PYROXD1: variants seen among roughly 807,000 people sequenced by gnomAD.
PYROXD1 encodes tRNA ligase complex-associated NAD(P)H dehydrogenase PYROXD1.
In PYROXD1, 42 loss-of-function variants were observed where a neutral mutation model predicts 62.0. The ratio of observed to expected loss-of-function variants is 0.68; its 90% CI spans 0.53 to 0.88. The LOEUF (loss-of-function observed/expected upper bound fraction) is 0.88, where lower values mean the gene tolerates loss of function less well. Ranked by LOEUF, PYROXD1 falls within the 40% of genes least tolerant of loss-of-function variation. The pLI, the probability that PYROXD1 is intolerant of heterozygous loss-of-function variation, is 0.00. For synonymous variants in PYROXD1, 170 were observed against 206.4 expected, an observed-to-expected ratio of 0.82 and a Z score of 1.51; for missense variants, 493 against 604.8, an observed-to-expected ratio of 0.82 and a Z score of 1.94.
chr12:21,445,469 A>G lies in PYROXD1; in HGVS notation c.285+3A>G. On this transcript the variant is annotated splice_donor_region_variant and intron_variant, in intron 3 of 11. Transcript: ENST00000240651. ...AGCAACTGAAGAGTGAAGAACACGTAAGATAATTGTTTTCTTAATAACATT... is the reference window on the plus strand; with the variant it reads ...AGCAACTGAAGAGTGAAGAACACGTGAGATAATTGTTTTCTTAATAACATT... 1 of 1,579,940 alleles carries G rather than the reference A, an allele frequency of 6.3e-7. No homozygotes were observed. Among genetic ancestry groups the G allele is most frequent in the South Asian group, 1.2e-5 (1 of 84,308 alleles).
rs1942369903 is a variant in PYROXD1 at position 21,445,499 on chromosome 12, A to G, written c.285+33A>G. On this transcript the variant is annotated intron_variant, in intron 3 of 11. Transcript: ENST00000240651. ...AATTGTTTTCTTAATAACATTTTCCATTGTTGAATCTTGATGAAGTTTTGC... is the reference window on the plus strand; with the variant it reads ...AATTGTTTTCTTAATAACATTTTCCGTTGTTGAATCTTGATGAAGTTTTGC... The G allele has an allele frequency of 5.2e-6, 8 of 1,545,704 alleles. No homozygotes were observed. In the African/African-American group the frequency reaches 8.3e-5, roughly 16 times the overall value.
At chr12:21,460,983 T>A in intron 7 of PYROXD1, 42 bp from the exon 8 acceptor site, 1 of 1,250,442 alleles carries the variant, frequency 8.0e-7, no homozygotes, top group Non-Finnish European at 1.1e-6. Context: ...CGGGTTATTC[T>A]TTCTGTAAGT....
At chr12:21,453,134 T>A (rs757070986) in intron 5 of PYROXD1, among the ~76,000 whole-genome samples, 1 of 152,090 alleles carries the variant, frequency 6.6e-6, no homozygotes, top group Non-Finnish European at 1.5e-5. Flanking sequence ...GTATAGTATA[T>A]ACATGCCAGA....
At position 21,468,919 on chromosome 12, in the gene PYROXD1, A is replaced by G. The variant is rs1272544732; in HGVS notation, c.*165A>G. ...ATAAAAACATAAATTCTAAGTTTGA[A>G]ATCAGTTCAAAGTTTATTTATAGAT... On this transcript the variant is annotated 3_prime_UTR_variant, in exon 12 of 12. Coordinates refer to ENST00000240651, the MANE Select transcript of PYROXD1 (RefSeq NM_024854.5). 4 of 659,390 alleles carry G rather than the reference A, an allele frequency of 6.1e-6. No homozygotes were observed. In the African/African-American group the frequency reaches 7.3e-5, roughly 12 times the overall value. The allele number at this position is 659,390 out of a possible 1,614,324, so 40.8% of individuals were successfully genotyped here.
Position 21,451,300 on chromosome 12 carries a change from G to T in PYROXD1, c.415-781G>T, listed in dbSNP as rs536885591. On this transcript the variant is annotated intron_variant, in intron 4 of 11. Transcript: ENST00000240651. ...GTACATGTGCACCAAGTGCAGGTTTGTTACATATGTATACATGTGCCATGT... is the reference window on the plus strand; with the variant it reads ...GTACATGTGCACCAAGTGCAGGTTTTTTACATATGTATACATGTGCCATGT... 9.2e-4 allele frequency among the ~76,000 whole-genome samples: 138 copies of T among 150,788 alleles called. 1 individual carries two copies. Among genetic ancestry groups the T allele is most frequent in the African/African-American group, 3.2e-3 (133 of 41,006 alleles).
intron 3 of PYROXD1, chr12:21,448,332 A>C (rs1942431013): frequency 3.4e-6 from 1 of 298,452 alleles, no homozygotes; most frequent in South Asian, 1.5e-4. Context: ...TGTCCTTTAC[A>C]TTTTTTAGTG....
chr12:21,467,458 G>A lies in PYROXD1; in HGVS notation c.1117-23G>A, dbSNP rs531975386. The A allele has an allele frequency of 1.1e-5, 17 of 1,579,462 alleles. No homozygotes were observed. In the South Asian group the frequency reaches 1.5e-4, roughly 14 times the overall value. ...TAATGATCATGAAAAATGACATTGT[G>A]TAACATTTTTTCATCATTTCAGATG... On this transcript the variant is annotated intron_variant, in intron 10 of 11. Transcript: ENST00000240651.
intron 10 of PYROXD1, 192 bp from the exon 11 acceptor site, chr12:21,467,289 G>T (rs1418903372): frequency 2.2e-6 from 1 of 460,232 alleles, no homozygotes; most frequent in African/African-American, 2.0e-5. Context: ...AATTTTAGAG[G>T]CAGTAATTTA....
intron 7 of PYROXD1, among the ~76,000 whole-genome samples, chr12:21,460,402 T>A (rs1255670822): frequency 2.0e-5 from 3 of 148,668 alleles, no homozygotes; most frequent in Middle Eastern, 7.0e-3. Flanking sequence ...AAATTTTTAT[T>A]TATTTATTTA....
At chr12:21,460,986 C>T (rs1002343953) in intron 7 of PYROXD1, 39 bp from the exon 8 acceptor site, 28 of 1,273,994 alleles carry the variant, frequency 2.2e-5, no homozygotes, top group Non-Finnish European at 2.8e-5. Flanking sequence ...GTTATTCTTT[C>T]TGTAAGTATT....
At chr12:21,440,300 C>T (rs940841097) in intron 1 of PYROXD1, 68 bp from the exon 2 acceptor site, 2 of 862,282 alleles carry the variant, frequency 2.3e-6, no homozygotes, top group African/African-American at 1.7e-5. Flanking sequence ...TATTCTCAAC[C>T]CCAAACCATA....
chr12:21,461,934 T>C, intron 8 of PYROXD1, 74 bp from the exon 9 acceptor site: 1 of 761,202 alleles, frequency 1.3e-6, no homozygotes, highest in Non-Finnish European at 2.2e-6. Context: ...CTAGTCATTG[T>C]AGTCACATAC....
intron 10 of PYROXD1, 109 bp from the exon 11 acceptor site, chr12:21,467,372 C>A: frequency 9.9e-7 from 1 of 1,008,416 alleles, no homozygotes. Context: ...GCAAAGATGA[C>A]AGAAAGACTG....
chr12:21,451,766 C>T (rs1359447230), intron 4 of PYROXD1, among the ~76,000 whole-genome samples: 1 of 151,964 alleles, frequency 6.6e-6, no homozygotes, highest in Non-Finnish European at 1.5e-5. Flanking sequence ...TTGATTTGGT[C>T]AAATAATTGG....
chr12:21,448,002 C>T (rs1024287095), intron 3 of PYROXD1: 13 of 377,958 alleles, frequency 3.4e-5, no homozygotes, highest in Admixed American at 1.5e-4. Flanking sequence ...AAAACACATG[C>T]GTACTTTTGA....
rs2137313804 is a variant in PYROXD1 at position 21,471,200 on chromosome 12, G to A, written c.*2446G>A. 1 of 1,182,340 alleles carries A rather than the reference G, an allele frequency of 8.5e-7. No individual in the cohort carries two copies. The highest frequency in any genetic ancestry group is 1.7e-5 in the South Asian group (1 of 57,872). 73.2% of individuals were successfully genotyped at this position (1,182,340 alleles called of 1,614,324 possible). A position where few individuals can be genotyped will look rare whatever the true frequency, so the allele number is the denominator to read the frequency against. On this transcript the variant is annotated 3_prime_UTR_variant, in exon 12 of 12. Transcript: ENST00000240651. ...TATGCGCAGTAATTCTTAACACATT[G>A]ACTTGAAATAATAAAATTTACAAGA...
intron 10 of PYROXD1, chr12:21,467,218 T>G (rs1191186609): frequency 3.2e-6 from 1 of 311,588 alleles, no homozygotes; most frequent in African/African-American, 2.2e-5. Context: ...TATAGCTTAA[T>G]ATAGTTTCAT....
At chr12:21,465,396 T>A (rs988619573) in intron 10 of PYROXD1, among the ~76,000 whole-genome samples, 33 of 152,256 alleles carry the variant, frequency 2.2e-4, no homozygotes, top group Non-Finnish European at 3.7e-4. Flanking sequence ...ACTGTGGTTT[T>A]GATTTGCATT....
intron 3 of PYROXD1, among the ~76,000 whole-genome samples, chr12:21,449,049 C>A (rs1942443782): frequency 6.6e-6 from 1 of 151,852 alleles, no homozygotes; most frequent in African/African-American, 2.4e-5. Flanking sequence ...ATACCATAAC[C>A]TCTTGTTCCA....
Sources: allele counts gnomAD v4.1 joint callset (sites outside exome capture counted in the v4.1 genomes callset), GRCh38; gene constraint gnomAD v4.1.1; transcripts MANE v1.5; gene names NCBI Gene and HGNC (gene_info 2026-07-23, HGNC 2026-07-21).